PLIN3: variants seen among roughly 807,000 people sequenced by gnomAD.
PLIN3 encodes the protein perilipin 3, also known as perilipin-3.
In PLIN3, 30 loss-of-function variants were observed where a neutral mutation model predicts 35.9. That is an observed-to-expected ratio of 0.84 (90% CI 0.62 to 1.13). The LOEUF is 1.13. PLIN3 is among the 50% of genes most tolerant of loss of function. The pLI, the probability that PLIN3 is intolerant of heterozygous loss-of-function variation, is 0.00. For missense variants in PLIN3, 603 were observed against 596.9 expected (o/e 1.01, Z -0.11); for synonymous variants, 261 against 262.5 (o/e 0.99, Z 0.06).
At chr19:4,857,849 G>A (rs888415346) in intron 4 of PLIN3, among the ~76,000 whole-genome samples, 2 of 152,022 alleles carry the variant, frequency 1.3e-5, no homozygotes, top group African/African-American at 4.8e-5. Flanking sequence ...GGTGGCACAT[G>A]TCTGTAATCC....
chr19:4,867,363 G>T (rs1051923537), intron 1 of PLIN3, among the ~76,000 whole-genome samples: 2 of 152,196 alleles, frequency 1.3e-5, no homozygotes, highest in African/African-American at 4.8e-5. Context: ...CCTTCTACGG[G>T]GCTCTTTCGC....
chr19:4,846,592 G>C (rs991631937), intron 6 of PLIN3, among the ~76,000 whole-genome samples: 13 of 151,826 alleles, frequency 8.6e-5, no homozygotes, highest in African/African-American at 3.1e-4. Context: ...CCAGCTACTC[G>C]GGACGTGGAG....
chr19:4,864,275 C>A (rs928826195), intron 1 of PLIN3, among the ~76,000 whole-genome samples: 1 of 151,534 alleles, frequency 6.6e-6, no homozygotes, highest in Non-Finnish European at 1.5e-5. Context: ...GCCTCAGCCT[C>A]CTGAGTAGCT....
Position 4,856,449 on chromosome 19 carries a change from T to C in PLIN3, c.348+3141A>G, listed in dbSNP as rs556192180. Among the ~76,000 whole-genome samples, 276 of 151,718 alleles carry C rather than the reference T, an allele frequency of 1.8e-3. 1 individual carries two copies. The highest frequency in any genetic ancestry group is 6.4e-3 in the African/African-American group (265 of 41,394). On this transcript the variant is annotated intron_variant, in intron 4 of 7. Transcript: ENST00000221957. ...GGTGCATGCCTGTAATCCCAGCTAC[T>C]CGGGAGGCTGAGGCAGGAGAATCGC... is the stretch of plus-strand genomic sequence containing the variant.
At chr19:4,853,861 C>T (rs1339022010) in intron 4 of PLIN3, among the ~76,000 whole-genome samples, 1 of 151,556 alleles carries the variant, frequency 6.6e-6, no homozygotes, top group African/African-American at 2.4e-5. Context: ...GCATGGAATC[C>T]TTTGACTACG....
At position 4,849,102 on chromosome 19, in the gene PLIN3, C is replaced by T. The variant is rs1044910249; in HGVS notation, c.635-1212G>A. Among the ~76,000 whole-genome samples the T allele has an allele frequency of 2.0e-5, 3 of 150,648 alleles. No homozygotes were observed. In the East Asian group the frequency reaches 5.8e-4, roughly 29 times the overall value. ...ACCTTGGCCTCCCGAGTAGCTGGGA[C>T]TACATAAAGCTGGGACTACGGCAAG... On this transcript the variant is annotated intron_variant, in intron 5 of 7. Transcript: ENST00000221957.
At chr19:4,854,854 C>T (rs990940646) in intron 4 of PLIN3, among the ~76,000 whole-genome samples, 2 of 152,104 alleles carry the variant, frequency 1.3e-5, no homozygotes, top group African/African-American at 2.4e-5. Flanking sequence ...GTGGCTCACA[C>T]CTGTCATCCC....
At chr19:4,866,226 C>G (rs1453710640) in intron 1 of PLIN3, among the ~76,000 whole-genome samples, 1 of 151,920 alleles carries the variant, frequency 6.6e-6, no homozygotes, top group African/African-American at 2.4e-5. Flanking sequence ...CCATGTTGGC[C>G]AGGCTGTTCT....
intron 6 of PLIN3, among the ~76,000 whole-genome samples, chr19:4,845,607 A>G (rs1163123174): frequency 6.6e-6 from 1 of 151,922 alleles, no homozygotes; most frequent in Non-Finnish European, 1.5e-5. Flanking sequence ...TCATCTCTAC[A>G]TATTACATAA....
chr19:4,852,964 G>A (rs931675131), intron 4 of PLIN3, among the ~76,000 whole-genome samples: 4 of 151,826 alleles, frequency 2.6e-5, no homozygotes, highest in African/African-American at 4.8e-5. Flanking sequence ...ACAGGCATGC[G>A]CCACCACGCC....
intron 5 of PLIN3, among the ~76,000 whole-genome samples, chr19:4,848,659 G>T (rs949114044): frequency 6.6e-6 from 1 of 152,176 alleles, no homozygotes; most frequent in Non-Finnish European, 1.5e-5. Context: ...TTGAGGTCAG[G>T]AGTTCAAGAC....
At chr19:4,861,152 C>T (rs571186274) in intron 2 of PLIN3, among the ~76,000 whole-genome samples, 177 bp downstream of exon 2, 2 of 152,118 alleles carry the variant, frequency 1.3e-5, no homozygotes, top group Non-Finnish European at 2.9e-5. Context: ...TTTGAGATTC[C>T]CCCCTCCCAA....
intron 5 of PLIN3, among the ~76,000 whole-genome samples, chr19:4,848,644 A>ATC (rs1183826646): frequency 8.5e-5 from 13 of 152,334 alleles, no homozygotes; most frequent in African/African-American, 3.1e-4. Context: ...AGGCGGGCAG[A>ATC]TCACTTGAGG....
At chr19:4,841,046 AG>A (rs1466761266) in intron 7 of PLIN3, among the ~76,000 whole-genome samples, 1 of 152,198 alleles carries the variant, frequency 6.6e-6, no homozygotes, top group African/African-American at 2.4e-5. Flanking sequence ...CTGGTGGTAT[AG>A]TTACTTTGGA....
At position 4,859,945 on chromosome 19, in the gene PLIN3, G is replaced by C. The variant is rs1423037853; in HGVS notation, c.146C>G (p.Thr49Ser). 35 of 1,613,966 alleles carry C rather than the reference G, an allele frequency of 2.2e-5. No individual in the cohort carries two copies. The highest frequency in any genetic ancestry group is 2.9e-5 in the Non-Finnish European group (34 of 1,179,996). The change falls in exon 3 of 8, where the codon ACC becomes AGC. Residue 49 changes from threonine to serine, a missense_variant. By Grantham distance (58) the Thr-to-Ser change is moderately conservative (BLOSUM62 1). Transcript: ENST00000221957. ...CTTGATGTGCGGGTAGCTCTCCTTG[G>C]TGGAGGCATAGGCTGCGGACACCAT... The part of the protein sequence containing the change: ...CDMVSAAYAS[T>S]KESYPHIKTV...
intron 1 of PLIN3, chr19:4,867,070 C>T (rs1443929227): frequency 6.6e-6 from 1 of 152,274 alleles, no homozygotes; most frequent in African/African-American, 2.4e-5. Context: ...GCCACGCCCA[C>T]CCGAGGGAAG....
At chr19:4,845,440 C>A (rs1431643626) in intron 6 of PLIN3, among the ~76,000 whole-genome samples, 6 of 151,132 alleles carry the variant, frequency 4.0e-5, no homozygotes, top group African/African-American at 1.5e-4. Flanking sequence ...CAACAAAAAA[C>A]AAAAAACAAA....
intron 5 of PLIN3, among the ~76,000 whole-genome samples, chr19:4,851,531 C>T (rs2030290856): frequency 6.6e-6 from 1 of 152,010 alleles, no homozygotes; most frequent in African/African-American, 2.4e-5. Flanking sequence ...GAATATGTGA[C>T]CGAGATGACT....
intron 7 of PLIN3, among the ~76,000 whole-genome samples, chr19:4,843,339 T>C (rs1449848016): frequency 6.6e-6 from 1 of 151,876 alleles, no homozygotes; most frequent in Non-Finnish European, 1.5e-5. Flanking sequence ...ATCGCGTCTC[T>C]ACTAAAAATA....
Sources: allele counts gnomAD v4.1 joint callset (sites outside exome capture counted in the v4.1 genomes callset), GRCh38; gene constraint gnomAD v4.1.1; transcripts MANE v1.5; gene names NCBI Gene and HGNC (gene_info 2026-07-23, HGNC 2026-07-21).